Variants in AGAP1 observed in about 807,000 individuals in gnomAD.
AGAP1 encodes the protein ArfGAP with GTPase domain, ankyrin repeat and PH domain 1.
In AGAP1, 29 loss-of-function variants were observed where a neutral mutation model predicts 105.3. The observed-to-expected ratio is 0.28, with a 90% CI of 0.21 to 0.38. The LOEUF is 0.38. Among genes scored for constraint, AGAP1 ranks in the 10% least tolerant of loss-of-function variants. The probability of loss-of-function intolerance (pLI) is 1.00; values close to 1 mark genes in which losing one functional copy is unlikely to be tolerated. For synonymous variants in AGAP1, 509 were observed against 485.9 expected (o/e 1.05, Z -0.63); for missense variants, 998 against 1,165.1 (o/e 0.86, Z 2.09).
intron 11 of AGAP1, among the ~76,000 whole-genome samples, chr2:235,918,515 C>T (rs2052014791): frequency 6.6e-6 from 1 of 152,200 alleles, no homozygotes; most frequent in African/African-American, 2.4e-5. Flanking sequence ...ATGAGCAATG[C>T]GTTCTCACTA....
In AGAP1 at chr2:235,892,658, C is replaced by A. The variant is rs538081506; in HGVS notation, c.1155+9209C>A. Among the ~76,000 whole-genome samples, 7 of 151,836 alleles carry A rather than the reference C, an allele frequency of 4.6e-5. No individual in the cohort carries two copies. In the South Asian group the frequency reaches 1.5e-3, roughly 32 times the overall value. On this transcript the variant is annotated intron_variant, in intron 10 of 17. Transcript: ENST00000304032. ...GTGCCTGTAACTGCCTTTGTAAATA[C>A]ACGAATTCCTCACATAGGACTGCAA...
rs2059958941 is a variant in AGAP1 at position 236,123,844 on chromosome 2, T to C, written c.2371-75T>C. The C allele has an allele frequency of 1.9e-6, 3 of 1,569,790 alleles. No homozygotes were observed. Among genetic ancestry groups the C allele is most frequent in the African/African-American group, 1.3e-5 (1 of 74,128 alleles). ...CCAAGCACAAGCCACATGCAAGGGC[T>C]GAGAGAAAGCTTCCCTGCCCCCTCC... On this transcript the variant is annotated intron_variant, in intron 17 of 17. Transcript: ENST00000304032. The surrounding 1 kb of genome is among the most constrained non-coding windows in gnomAD (Gnocchi z 4.6).
intron 16 of AGAP1, among the ~76,000 whole-genome samples, chr2:236,103,420 C>T (rs1486925632): frequency 6.6e-6 from 1 of 152,218 alleles, no homozygotes; most frequent in Non-Finnish European, 1.5e-5. Flanking sequence ...TCTGACCCTG[C>T]TGGGCCACTC....
intron 9 of AGAP1, among the ~76,000 whole-genome samples, chr2:235,817,312 C>A (rs1344857576): frequency 6.6e-6 from 1 of 151,960 alleles, no homozygotes; most frequent in Non-Finnish European, 1.5e-5. Context: ...TACTCCAGAG[C>A]CTTTGGCTCC....
rs1205078211 is a variant in AGAP1 at position 235,566,671 on chromosome 2, G to A, written c.163+71822G>A. On this transcript the variant is annotated intron_variant, in intron 1 of 17. Transcript: ENST00000304032. This position sits in a 1 kb window ranked among gnomAD's most constrained non-coding sequence, Gnocchi z 5.2. ...TCATGCCGCAGGACCAGCCGGGACC[G>A]GGGAGAGGCTGTTCGAGGAACACAG... 1.8e-5 allele frequency: 16 copies of A among 902,006 alleles called. No homozygotes were observed. The East Asian group carries it at 5.9e-4, about 33-fold the overall frequency. The allele number at this position is 902,006 out of a possible 1,614,324, so 55.9% of individuals were successfully genotyped here. A position where few individuals can be genotyped will look rare whatever the true frequency, so the allele number is the denominator to read the frequency against.
intron 2 of AGAP1, among the ~76,000 whole-genome samples, chr2:235,715,030 T>G (rs1951029490): frequency 6.6e-6 from 1 of 152,044 alleles, no homozygotes; most frequent in South Asian, 2.1e-4. Context: ...ATCTCCTGAC[T>G]TCATGATCTG....
chr2:235,494,362 G>C lies in AGAP1; in HGVS notation c.-325G>C, dbSNP rs1214989095. The C allele has an allele frequency of 6.9e-6, 1 of 144,040 alleles. No homozygotes were observed. Among genetic ancestry groups the C allele is most frequent in the Non-Finnish European group, 1.5e-5 (1 of 64,844 alleles). The allele number at this position is 144,040 out of a possible 1,614,324, so 8.9% of individuals were successfully genotyped here. On this transcript the variant is annotated 5_prime_UTR_variant, in exon 1 of 18. Transcript: ENST00000304032. ...AGGGCTGGAAGGCGGCTGCGGCTCA[G>C]GAAGTCACCCGAGCAAGCCTCCTTC...
rs1953697638 is a variant in AGAP1 at position 235,754,065 on chromosome 2, GACAT to G, written c.673+3579_673+3582del. Among the ~76,000 whole-genome samples the G allele has an allele frequency of 6.6e-6, 1 of 152,174 alleles. No homozygotes were observed. Among genetic ancestry groups the G allele is most frequent in the African/African-American group, 2.4e-5 (1 of 41,442 alleles). ...TGAAGAAATTGAGGCTCAGAGAAAT[GACAT>G]AGCTTGACCCAAAGGGACACAGCCT... is the stretch of plus-strand genomic sequence containing the variant. On this transcript the variant is annotated intron_variant, in intron 6 of 17. Transcript: ENST00000304032. The surrounding 1 kb of genome is among the most constrained non-coding windows in gnomAD (Gnocchi z 4.6).
chr2:235,793,878 A>G lies in AGAP1; in HGVS notation c.674-3881A>G, dbSNP rs914611388. Reference sequence around the variant, plus strand: ...TAATTAAAGGGTGCTATTTCCCTCTATAGAATAGAACATTTACAGTTTGTG... The same window carrying G: ...TAATTAAAGGGTGCTATTTCCCTCTGTAGAATAGAACATTTACAGTTTGTG... On this transcript the variant is annotated intron_variant, in intron 6 of 17. Transcript: ENST00000304032. This position sits in a 1 kb window ranked among gnomAD's most constrained non-coding sequence, Gnocchi z 5.3. Among the ~76,000 whole-genome samples the G allele has an allele frequency of 7.2e-5, 11 of 152,228 alleles. No individual in the cohort carries two copies. Among genetic ancestry groups the G allele is most frequent in the African/African-American group, 2.7e-4 (11 of 41,462 alleles).
chr2:236,061,991 G>A lies in AGAP1; in HGVS notation c.2114+12710G>A, dbSNP rs2058208684. 6.6e-6 allele frequency among the ~76,000 whole-genome samples: 1 copy of A among 152,216 alleles called. No individual in the cohort carries two copies. The highest frequency in any genetic ancestry group is 2.4e-5 in the African/African-American group (1 of 41,460). On this transcript the variant is annotated intron_variant, in intron 16 of 17. Coordinates refer to ENST00000304032, the MANE Select transcript of AGAP1 (RefSeq NM_001037131.3). The surrounding 1 kb of genome is among the most constrained non-coding windows in gnomAD (Gnocchi z 4.1). The stretch of plus-strand genomic sequence containing the variant: ...ACAGGAACGCATGCTGGGTGGCGGG[G>A]GCCTGGGTGCGGGCCGAGGGCTGGC...
chr2:235,633,292 G>C lies in AGAP1; in HGVS notation c.164-75887G>C, dbSNP rs1946886430. The stretch of plus-strand genomic sequence containing the variant: ...GGGGCAGCCAAGTAGAAGTGGAATT[G>C]GACAAATAGGGCATGAGCGGGCCGG... On this transcript the variant is annotated intron_variant, in intron 1 of 17. Transcript: ENST00000304032. The surrounding 1 kb of genome is among the most constrained non-coding windows in gnomAD (Gnocchi z 4.8). 1.3e-5 allele frequency among the ~76,000 whole-genome samples: 2 copies of C among 152,096 alleles called. No individual in the cohort carries two copies. The highest frequency in any genetic ancestry group is 1.3e-4 in the Admixed American group (2 of 15,266).
Position 236,083,732 on chromosome 2 carries a change from T to G in AGAP1, c.2114+34451T>G, listed in dbSNP as rs1364016111. Among the ~76,000 whole-genome samples the G allele has an allele frequency of 6.6e-6, 1 of 152,168 alleles. No homozygotes were observed. The highest frequency in any genetic ancestry group is 1.5e-5 in the Non-Finnish European group (1 of 68,034). On this transcript the variant is annotated intron_variant, in intron 16 of 17. Coordinates refer to ENST00000304032, the MANE Select transcript of AGAP1 (RefSeq NM_001037131.3). This position sits in a 1 kb window ranked among gnomAD's most constrained non-coding sequence, Gnocchi z 5.3. ...TTTAATACCTTAAAAATACTGCACA[T>G]TAAGTCTGTTTTTTTACAGAAGGAT...
At chr2:235,907,638 A>G (rs985943766) in intron 10 of AGAP1, among the ~76,000 whole-genome samples, 4 of 152,094 alleles carry the variant, frequency 2.6e-5, no homozygotes, top group Non-Finnish European at 5.9e-5. Context: ...AAATACAGTC[A>G]TTTCTCTGTA....
Position 236,125,193 on chromosome 2 carries a change from G to C in AGAP1, c.*1071G>C, listed in dbSNP as rs1436148130. ...CGTTGCCCAAGTCACACAGGCTTCTGTGTTATGTATTTAGATAAGATGTGT... is the reference window on the plus strand; with the variant it reads ...CGTTGCCCAAGTCACACAGGCTTCTCTGTTATGTATTTAGATAAGATGTGT... On this transcript the variant is annotated 3_prime_UTR_variant, in exon 18 of 18. Coordinates refer to ENST00000304032, the MANE Select transcript of AGAP1 (RefSeq NM_001037131.3). This position sits in a 1 kb window ranked among gnomAD's most constrained non-coding sequence, Gnocchi z 5.2. 2.5e-5 allele frequency: 4 copies of C among 159,048 alleles called. No individual in the cohort carries two copies. In the East Asian group the frequency reaches 7.7e-4, roughly 31 times the overall value. The allele number at this position is 159,048 out of a possible 1,614,324, so 9.9% of individuals were successfully genotyped here.
intron 12 of AGAP1, among the ~76,000 whole-genome samples, chr2:235,952,519 C>T (rs1297796940): frequency 2.6e-5 from 4 of 152,058 alleles, no homozygotes; most frequent in Non-Finnish European, 5.9e-5. Context: ...GTTGAGTGCC[C>T]CTGTGTCTGT....
rs543028031 is a variant in AGAP1 at position 235,830,829 on chromosome 2, C to T, written c.1050+23498C>T. ...GTTGATAGCCTCATTCTTCTCAGGT[C>T]CACCTGTCGGTAGGCCCAGTAGTCA... is the stretch of plus-strand genomic sequence containing the variant. On this transcript the variant is annotated intron_variant, in intron 9 of 17. Coordinates refer to ENST00000304032, the MANE Select transcript of AGAP1 (RefSeq NM_001037131.3). This position sits in a 1 kb window ranked among gnomAD's most constrained non-coding sequence, Gnocchi z 5.5. Among the ~76,000 whole-genome samples, 12 of 152,302 alleles carry T rather than the reference C, an allele frequency of 7.9e-5. No homozygotes were observed. The East Asian group carries it at 1.9e-3, about 24-fold the overall frequency.
rs559085971 is a variant in AGAP1 at position 235,714,659 on chromosome 2, G to T, written c.223-2898G>T. ...GTAGAGAGTGGGAGCGGCCAGGACT[G>T]GGTGACAGAGAACATTTGGATCCAT... On this transcript the variant is annotated intron_variant, in intron 2 of 17. Transcript: ENST00000304032. This position sits in a 1 kb window ranked among gnomAD's most constrained non-coding sequence, Gnocchi z 4.1. Among the ~76,000 whole-genome samples, 1 of 152,100 alleles carries T rather than the reference G, an allele frequency of 6.6e-6. No individual in the cohort carries two copies. Among genetic ancestry groups the T allele is most frequent in the Non-Finnish European group, 1.5e-5 (1 of 68,000 alleles).
chr2:235,790,186 T>C (rs554372200), intron 6 of AGAP1, among the ~76,000 whole-genome samples: 1 of 152,278 alleles, frequency 6.6e-6, no homozygotes, highest in South Asian at 2.1e-4. Flanking sequence ...TATGGGAAGA[T>C]GGAACGTACA....
chr2:235,591,118 C>A (rs1945325590), intron 1 of AGAP1, among the ~76,000 whole-genome samples: 1 of 152,070 alleles, frequency 6.6e-6, no homozygotes, highest in South Asian at 2.1e-4. Flanking sequence ...CGGGTTCAAG[C>A]AATTTTCGTG....
Sources: allele counts gnomAD v4.1 joint callset (sites outside exome capture counted in the v4.1 genomes callset), GRCh38; gene constraint gnomAD v4.1.1; non-coding constraint Gnocchi (gnomAD v3.1); transcripts MANE v1.5; gene names NCBI Gene and HGNC (gene_info 2026-07-23, HGNC 2026-07-21).